Variants in PLAT observed in about 807,000 individuals in gnomAD.
The protein encoded by PLAT is plasminogen activator, tissue type, also known as tissue-type plasminogen activator.
A neutral mutation model predicts 74.9 loss-of-function variants in PLAT; 48 were observed. The observed-to-expected ratio is 0.64, with a 90% CI of 0.51 to 0.82. PLAT has a LOEUF of 0.82. Ranked by LOEUF, PLAT falls within the 40% of genes least tolerant of loss-of-function variation. The pLI, the probability that PLAT is intolerant of heterozygous loss-of-function variation, is 0.00. For synonymous variants in PLAT, 307 were observed against 294.4 expected (o/e 1.04, Z -0.44); for missense variants, 673 against 736.2 (o/e 0.91, Z 0.99).
At chr8:42,191,273 G>T in intron 3 of PLAT, 99 bp downstream of exon 3, 1 of 910,618 alleles carries the variant, frequency 1.1e-6, no homozygotes. Flanking sequence ...GTAGGCAGGT[G>T]GTGGGTGGAA....
At chr8:42,204,897 A>C (rs894457965) in intron 1 of PLAT, among the ~76,000 whole-genome samples, 1 of 152,058 alleles carries the variant, frequency 6.6e-6, no homozygotes, top group Non-Finnish European at 1.5e-5. Context: ...TTCAAGTGAC[A>C]CTACCAAGGT....
Position 42,180,615 on chromosome 8 carries a change from G to A in PLAT, c.960C>T (p.Ala320=). The change falls in exon 10 of 14, where the codon GCC becomes GCT. Residue 320 remains alanine (A), a synonymous_variant. Coordinates refer to ENST00000220809, the MANE Select transcript of PLAT (RefSeq NM_000930.5). ...RIKGGLFADI[A]SHPWQAAIFA... is the part of the protein sequence containing the mutation. Reference sequence around the variant, plus strand: ...AGATGGCAGCCTGCCAGGGGTGGGAGGCGATGTCGGCGAAGAGCCCTCCTT... The same window carrying A: ...AGATGGCAGCCTGCCAGGGGTGGGAAGCGATGTCGGCGAAGAGCCCTCCTT... 2.5e-6 allele frequency: 4 copies of A among 1,612,514 alleles called. No homozygotes were observed. Among genetic ancestry groups the A allele is most frequent in the Non-Finnish European group, 3.4e-6 (4 of 1,178,988 alleles).
At chr8:42,192,476 A>T (rs1377635367) in intron 2 of PLAT, among the ~76,000 whole-genome samples, 3 of 152,200 alleles carry the variant, frequency 2.0e-5, no homozygotes, top group African/African-American at 7.2e-5. Flanking sequence ...TTGGTGCTGC[A>T]GTGAGCTATG....
chr8:42,194,001 A>G (rs1805791338), intron 1 of PLAT, among the ~76,000 whole-genome samples: 1 of 686 alleles, frequency 1.5e-3, no homozygotes, highest in Non-Finnish European at 3.3e-3. Context: ...GGCGTGAGCC[A>G]CCGCGCCCCC....
At chr8:42,195,398 G>A (rs1161183139) in intron 1 of PLAT, among the ~76,000 whole-genome samples, 5 of 152,172 alleles carry the variant, frequency 3.3e-5, no homozygotes, top group African/African-American at 4.8e-5. Context: ...AGGGAGGCTC[G>A]CCAGCGTGGC....
rs79560245 is a variant in PLAT, at chr8:42,191,928, A to G, written c.73-514T>C. ...TTCAGAGAGTGTGTGTAGCGCTTCC[A>G]TCTCAGCTAGAGAGTAGGCACCATG... On this transcript the variant is annotated intron_variant, in intron 2 of 13. Coordinates refer to ENST00000220809, the MANE Select transcript of PLAT (RefSeq NM_000930.5). Among the ~76,000 whole-genome samples the G allele has an allele frequency of 9.3e-3, 1,403 of 150,540 alleles. 29 individuals carry two copies. Among genetic ancestry groups the G allele is most frequent in the African/African-American group, 0.033 (1,334 of 40,870 alleles).
rs143233395 is a variant in PLAT, at chr8:42,186,275, G to A, written c.540-1103C>T. 20 of 151,822 alleles carry A rather than the reference G, an allele frequency of 1.3e-4. No homozygotes were observed. In the East Asian group the frequency reaches 3.7e-3, roughly 28 times the overall value. The allele number at this position is 151,822 out of a possible 1,614,324, so 9.4% of individuals were successfully genotyped here. A position where few individuals can be genotyped will look rare whatever the true frequency, so the allele number is the denominator to read the frequency against. On this transcript the variant is annotated intron_variant, in intron 6 of 13. Transcript: ENST00000220809. ...GTAAATGGATAGCTTATCTTCCCAG[G>A]TGCAGGACAGAAAATCATCCCTCTG...
rs1256064199 is a variant in PLAT at position 42,175,513 on chromosome 8, C to G, written c.*480G>C. 6.5e-6 allele frequency: 1 copy of G among 153,756 alleles called. No homozygotes were observed. The highest frequency in any genetic ancestry group is 1.4e-5 in the Non-Finnish European group (1 of 68,998). The allele number at this position is 153,756 out of a possible 1,614,324, so 9.5% of individuals were successfully genotyped here. On this transcript the variant is annotated 3_prime_UTR_variant, in exon 14 of 14. Coordinates refer to ENST00000220809, the MANE Select transcript of PLAT (RefSeq NM_000930.5). Reference sequence around the variant, plus strand: ...GCTTTTGAGGAACATGACGGGCCAGCCAGCCTGCCCCAACTTTGAGGCCCT... The same window carrying G: ...GCTTTTGAGGAACATGACGGGCCAGGCAGCCTGCCCCAACTTTGAGGCCCT...
At chr8:42,193,076 G>T in intron 2 of PLAT, 38 bp downstream of exon 2, 1 of 1,439,598 alleles carries the variant, frequency 6.9e-7, no homozygotes, top group South Asian at 1.1e-5. Flanking sequence ...AAGCATCACA[G>T]CCTTGAGGGG....
chr8:42,181,213 A>T (rs1008924143), intron 9 of PLAT, among the ~76,000 whole-genome samples: 46 of 152,210 alleles, frequency 3.0e-4, no homozygotes, highest in Admixed American at 2.9e-3. Flanking sequence ...TCATCGTCCC[A>T]GTTGGACTTG....
At chr8:42,199,465 G>A (rs1240898063) in intron 1 of PLAT, among the ~76,000 whole-genome samples, 1 of 152,090 alleles carries the variant, frequency 6.6e-6, no homozygotes, top group Admixed American at 6.6e-5. Context: ...ATATTTTCCT[G>A]GCAGACCCTG....
At chr8:42,191,905 CAG>C (rs1401790503) in intron 2 of PLAT, among the ~76,000 whole-genome samples, 2 of 151,688 alleles carry the variant, frequency 1.3e-5, no homozygotes, top group African/African-American at 2.4e-5. Context: ...TAGGCATTTT[CAG>C]AGAGTGTGTG....
intron 1 of PLAT, among the ~76,000 whole-genome samples, chr8:42,194,050 CTTTTTTT>C (rs59850705): frequency 3.5e-5 from 3 of 84,910 alleles, no homozygotes; most frequent in African/African-American, 5.0e-5. Context: ...TTTCTTCTTT[CTTTTTTT>C]TTTTTTTTTT....
At chr8:42,187,811 C>G in intron 5 of PLAT, 95 bp downstream of exon 5, 1 of 927,958 alleles carries the variant, frequency 1.1e-6, no homozygotes, top group Non-Finnish European at 1.7e-6. Context: ...GCCCCCACCC[C>G]TGGCCCTGCC....
chr8:42,192,815 C>A (rs1182623052), intron 2 of PLAT, among the ~76,000 whole-genome samples: 1 of 152,140 alleles, frequency 6.6e-6, no homozygotes, highest in Non-Finnish European at 1.5e-5. Flanking sequence ...TGAATACATT[C>A]TTTAAAAACA....
chr8:42,194,301 A>G (rs1167401378), intron 1 of PLAT, among the ~76,000 whole-genome samples: 2 of 144,978 alleles, frequency 1.4e-5, no homozygotes, highest in African/African-American at 5.2e-5. Flanking sequence ...AGGTTTCTCT[A>G]TGTTGTCCAG....
At position 42,175,702 on chromosome 8, in the gene PLAT, C is replaced by T. The variant is rs1804941808; in HGVS notation, c.*291G>A. The T allele has an allele frequency of 3.1e-6, 1 of 318,634 alleles. No homozygotes were observed. The highest frequency in any genetic ancestry group is 7.8e-5 in the South Asian group (1 of 12,874). 19.7% of individuals were successfully genotyped at this position (318,634 alleles called of 1,614,324 possible). A position where few individuals can be genotyped will look rare whatever the true frequency, so the allele number is the denominator to read the frequency against. Reference sequence around the variant, plus strand: ...CAGGAGGTTGGGCTTTAGCTGAAAACAGGGTGGCATGGCCACTTTCTGCCC... The same window carrying T: ...CAGGAGGTTGGGCTTTAGCTGAAAATAGGGTGGCATGGCCACTTTCTGCCC... On this transcript the variant is annotated 3_prime_UTR_variant, in exon 14 of 14. Coordinates refer to ENST00000220809, the MANE Select transcript of PLAT (RefSeq NM_000930.5).
In PLAT at chr8:42,180,688, G is replaced by A. The variant is rs774218215; in HGVS notation, c.890-3C>T. 1.3e-6 allele frequency: 2 copies of A among 1,556,006 alleles called. No individual in the cohort carries two copies. The highest frequency in any genetic ancestry group is 1.9e-5 in the Admixed American group (1 of 53,278). On this transcript the variant is annotated splice_polypyrimidine_tract_variant and splice_region_variant and intron_variant, in intron 9 of 13. Coordinates refer to ENST00000220809, the MANE Select transcript of PLAT (RefSeq NM_000930.5). ...GTACTGTCTCAGGCCGCAGGTGGCTGGGGAGGAAAGGACGAGGAGGCAGTC... is the reference window on the plus strand; with the variant it reads ...GTACTGTCTCAGGCCGCAGGTGGCTAGGGAGGAAAGGACGAGGAGGCAGTC...
At chr8:42,181,394 G>T (rs1350587530) in intron 9 of PLAT, among the ~76,000 whole-genome samples, 1 of 152,212 alleles carries the variant, frequency 6.6e-6, no homozygotes, top group Non-Finnish European at 1.5e-5. Flanking sequence ...TAGGTCAACA[G>T]GAAACGTGGA....
Sources: allele counts gnomAD v4.1 joint callset (sites outside exome capture counted in the v4.1 genomes callset), GRCh38; gene constraint gnomAD v4.1.1; transcripts MANE v1.5; gene names NCBI Gene and HGNC (gene_info 2026-07-23, HGNC 2026-07-21).